Variants in CD38 observed in about 807,000 individuals in gnomAD.
CD38 encodes the protein CD38 molecule, also known as ADP-ribosyl cyclase/cyclic ADP-ribose hydrolase 1.
CD38 carries 31 observed loss-of-function variants against 36.3 expected under a neutral mutation model. That is an observed-to-expected ratio of 0.85 (90% CI 0.64 to 1.15). The LOEUF (loss-of-function observed/expected upper bound fraction) is 1.15. Ranked by LOEUF, CD38 falls within the 50% of genes most tolerant of loss-of-function variation. CD38 has a pLI of 0.00. For missense variants in CD38, 380 were observed against 371.9 expected (o/e 1.02, Z -0.18); for synonymous variants, 131 against 135.2 (o/e 0.97, Z 0.22).
chr4:15,790,310 G>A (rs1366147935), intron 1 of CD38, among the ~76,000 whole-genome samples: 1 of 151,800 alleles, frequency 6.6e-6, no homozygotes, highest in Admixed American at 6.6e-5. Flanking sequence ...AGCCTGCCGA[G>A]TGCCTGCGCA....
At chr4:15,825,180 C>T (rs2148924643) in intron 3 of CD38, 164 bp downstream of exon 3, 1 of 605,628 alleles carries the variant, frequency 1.7e-6, no homozygotes, top group Non-Finnish European at 2.8e-6. Flanking sequence ...TAAGGAATAC[C>T]TGAGGCTGCG....
At chr4:15,823,472 T>A (rs1647843289) in intron 2 of CD38, among the ~76,000 whole-genome samples, 1 of 151,888 alleles carries the variant, frequency 6.6e-6, no homozygotes. Context: ...TAAACAAATT[T>A]ACAAGAAAAA....
intron 1 of CD38, among the ~76,000 whole-genome samples, chr4:15,779,123 A>C (rs2148911846): frequency 6.6e-6 from 1 of 152,328 alleles, no homozygotes; most frequent in South Asian, 2.1e-4. Flanking sequence ...GAGGACACTT[A>C]AGTGGTTTGC....
At chr4:15,826,124 A>T (rs181473305) in intron 3 of CD38, 1 of 152,282 alleles carries the variant, frequency 6.6e-6, no homozygotes, top group African/African-American at 2.4e-5. Flanking sequence ...TTTGAAAAAA[A>T]AATACTTGCA....
At position 15,849,863 on chromosome 4, in the gene CD38, C is replaced by T. The variant is rs181328239; in HGVS notation, c.*1261C>T. On this transcript the variant is annotated 3_prime_UTR_variant, in exon 8 of 8. Coordinates refer to ENST00000226279, the MANE Select transcript of CD38 (RefSeq NM_001775.4). Reference sequence around the variant, plus strand: ...TTTTTTGTATACATAGATTTTAGGACGATATATTTTCCCTTGAGTTCTGCT... The same window carrying T: ...TTTTTTGTATACATAGATTTTAGGATGATATATTTTCCCTTGAGTTCTGCT... 3.6e-4 allele frequency: 55 copies of T among 152,146 alleles called. No homozygotes were observed. The highest frequency in any genetic ancestry group is 1.1e-3 in the African/African-American group (44 of 41,506). 9.4% of individuals were successfully genotyped at this position (152,146 alleles called of 1,614,324 possible).
chr4:15,821,974 C>G (rs776633088), intron 2 of CD38, among the ~76,000 whole-genome samples: 11 of 152,134 alleles, frequency 7.2e-5, no homozygotes, highest in Admixed American at 2.0e-4. Flanking sequence ...TCCAGCAGCA[C>G]ATCAAAAAGC....
At chr4:15,805,714 C>T (rs545270431) in intron 1 of CD38, among the ~76,000 whole-genome samples, 102 of 152,292 alleles carry the variant, frequency 6.7e-4, no homozygotes, top group Non-Finnish European at 1.2e-3. Flanking sequence ...TTCCTTCAGC[C>T]TGAAGAGTTT....
At position 15,850,576 on chromosome 4, in the gene CD38, C is replaced by A. The variant is rs1289124780; in HGVS notation, c.*1974C>A. On this transcript the variant is annotated 3_prime_UTR_variant, in exon 8 of 8. Transcript: ENST00000226279. ...AGCAAAAATTGAGTCCAGCACAGAG[C>A]TTCCTAAATAAGCAAGCACTCAACA... is the stretch of plus-strand genomic sequence containing the variant. 1 of 152,190 alleles carries A rather than the reference C, an allele frequency of 6.6e-6. No homozygotes were observed. Among genetic ancestry groups the A allele is most frequent in the African/African-American group, 2.4e-5 (1 of 41,432 alleles). 9.4% of individuals were successfully genotyped at this position (152,190 alleles called of 1,614,324 possible). A position where few individuals can be genotyped will look rare whatever the true frequency, so the allele number is the denominator to read the frequency against.
chr4:15,840,483 C>G lies in CD38; in HGVS notation c.784C>G (p.Leu262Val), dbSNP rs1045394570. The change falls in exon 7 of 8, where the codon CTG becomes GTG. Residue 262 changes from leucine to valine, a missense_variant. Physicochemically the swap from Leu to Val is conservative, Grantham distance 32. Coordinates refer to ENST00000226279, the MANE Select transcript of CD38 (RefSeq NM_001775.4). ...DLCQDPTIKE[L>V]ESIISKRNIQ... Reference sequence around the variant, plus strand: ...ATGCCAGGATCCCACCATAAAAGAGCTGGAATCGATTATAAGCAAAAGGAA... The same window carrying G: ...ATGCCAGGATCCCACCATAAAAGAGGTGGAATCGATTATAAGCAAAAGGAA... 4 of 1,605,694 alleles carry G rather than the reference C, an allele frequency of 2.5e-6. No homozygotes were observed. Among genetic ancestry groups the G allele is most frequent in the African/African-American group, 2.7e-5 (2 of 74,734 alleles).
chr4:15,814,653 G>C lies in CD38; in HGVS notation c.234-1858G>C, dbSNP rs549779059. On this transcript the variant is annotated intron_variant, in intron 1 of 7. Transcript: ENST00000226279. ...AGAAGGGGTCCAGTTTTTGTTTTCT[G>C]TATATGGCTAGCCAGTTTTCCCAGC... Among the ~76,000 whole-genome samples, 23 of 152,138 alleles carry C rather than the reference G, an allele frequency of 1.5e-4. No individual in the cohort carries two copies. In the South Asian group the frequency reaches 4.8e-3, roughly 32 times the overall value.
chr4:15,803,888 G>A (rs1016360821), intron 1 of CD38, among the ~76,000 whole-genome samples: 1 of 152,108 alleles, frequency 6.6e-6, no homozygotes, highest in African/African-American at 2.4e-5. Flanking sequence ...CCACTTATAA[G>A]TGAGAAATGT....
intron 4 of CD38, among the ~76,000 whole-genome samples, chr4:15,836,702 G>A (rs1724075711): frequency 6.6e-6 from 1 of 152,140 alleles, no homozygotes; most frequent in Non-Finnish European, 1.5e-5. Context: ...CTGCTTATTG[G>A]TTCTGTCTTT....
At chr4:15,807,077 C>T (rs1308186328) in intron 1 of CD38, among the ~76,000 whole-genome samples, 1 of 152,114 alleles carries the variant, frequency 6.6e-6, no homozygotes, top group Non-Finnish European at 1.5e-5. Context: ...GGGTTTGTTG[C>T]TCTCTGCAAG....
At chr4:15,826,926 G>T (rs1723864200) in intron 3 of CD38, among the ~76,000 whole-genome samples, 1 of 152,074 alleles carries the variant, frequency 6.6e-6, no homozygotes, top group Non-Finnish European at 1.5e-5. Flanking sequence ...TAGATTTTCT[G>T]TTTCTTCTGT....
At chr4:15,788,818 T>G (rs983534599) in intron 1 of CD38, among the ~76,000 whole-genome samples, 3 of 152,168 alleles carry the variant, frequency 2.0e-5, no homozygotes, top group Admixed American at 1.3e-4. Flanking sequence ...ATCAGCAAAA[T>G]GACAAACTTA....
At position 15,848,876 on chromosome 4, in the gene CD38, T is replaced by C. The variant is rs1724324655; in HGVS notation, c.*274T>C. 3.6e-6 allele frequency: 1 copy of C among 280,354 alleles called. No homozygotes were observed. The highest frequency in any genetic ancestry group is 2.2e-5 in the African/African-American group (1 of 46,038). 17.4% of individuals were successfully genotyped at this position (280,354 alleles called of 1,614,324 possible). A position where few individuals can be genotyped will look rare whatever the true frequency, so the allele number is the denominator to read the frequency against. On this transcript the variant is annotated 3_prime_UTR_variant, in exon 8 of 8. Transcript: ENST00000226279. Reference sequence around the variant, plus strand: ...TTACTTCACTTTAATTCTCATGTGATCCTTTTATGTTATTTATATATTGGT... The same window carrying C: ...TTACTTCACTTTAATTCTCATGTGACCCTTTTATGTTATTTATATATTGGT...
chr4:15,788,287 G>T (rs1722885499), intron 1 of CD38, among the ~76,000 whole-genome samples: 1 of 152,184 alleles, frequency 6.6e-6, no homozygotes, highest in African/African-American at 2.4e-5. Context: ...GCACCATGGA[G>T]ATGCTACCAA....
At chr4:15,787,024 TCA>T (rs201751008) in intron 1 of CD38, among the ~76,000 whole-genome samples, 2,892 of 152,284 alleles carry the variant, frequency 0.019, 90 homozygotes, top group African/African-American at 0.066. Flanking sequence ...CGCCGGCCGC[TCA>T]GAGTGCGGCC....
intron 1 of CD38, among the ~76,000 whole-genome samples, chr4:15,800,609 C>T (rs1723198063): frequency 6.6e-6 from 1 of 151,972 alleles, no homozygotes; most frequent in South Asian, 2.1e-4. Flanking sequence ...ATCTTTTGCC[C>T]ATCTTTAAAA....
Sources: gnomAD v4.1 joint callset for allele counts (sites outside exome capture counted in the v4.1 genomes callset) on GRCh38, gnomAD v4.1.1 for gene constraint, MANE v1.5 for transcripts, NCBI Gene and HGNC (gene_info 2026-07-23, HGNC 2026-07-21) for gene names.